The following YAE1 variants were observed in gnomAD, a reference collection of about 807,000 sequenced individuals.
The protein encoded by YAE1 is protein YAE1 homolog.
In YAE1, 22 loss-of-function variants were observed where a neutral mutation model predicts 23.0. The ratio of observed to expected loss-of-function variants is 0.96; its 90% confidence interval spans 0.68 to 1.37. The LOEUF is 1.37. Among genes scored for constraint, YAE1 ranks in the 40% most tolerant of loss-of-function variants. YAE1 has a pLI of 0.00. For missense variants in YAE1, 260 were observed against 262.1 expected, an observed-to-expected ratio of 0.99 and a Z score of 0.06; for synonymous variants, 101 against 97.0, an observed-to-expected ratio of 1.04 and a Z score of -0.24.
chr7:39,573,416 A>G (rs142414305), downstream of YAE1, among the ~76,000 whole-genome samples: 7 of 152,300 alleles, frequency 4.6e-5, no homozygotes, highest in East Asian at 1.3e-3. Flanking sequence ...TATATTTCAT[A>G]TTCACATAGG....
chr7:39,605,393 A>G (rs887249296), intron 2 of YAE1, among the ~76,000 whole-genome samples: 1 of 152,212 alleles, frequency 6.6e-6, no homozygotes. Context: ...GAATAAAGCA[A>G]GTTGTCCTAT....
downstream of YAE1, among the ~76,000 whole-genome samples, chr7:39,573,333 CTACT>C (rs1310540136): frequency 1.3e-5 from 2 of 152,090 alleles, no homozygotes; most frequent in Non-Finnish European, 2.9e-5. Context: ...AGGAAAATGC[CTACT>C]TAGTTTTTCT....
exon 3 of YAE1, chr7:39,609,715 A>T: frequency 6.5e-7 from 1 of 1,535,584 alleles, no homozygotes; most frequent in Non-Finnish European, 8.7e-7. Flanking sequence ...GTCCCCGGCC[A>T]CATGGCGAGC....
At chr7:39,579,528 G>T (rs1790709657) in intron 2 of YAE1, among the ~76,000 whole-genome samples, 1 of 152,086 alleles carries the variant, frequency 6.6e-6, no homozygotes, top group Non-Finnish European at 1.5e-5. Flanking sequence ...AATTAGTCTT[G>T]TGTGATGGCA....
intron 1 of YAE1, chr7:39,569,773 C>T: frequency 1.3e-6 from 1 of 759,216 alleles, no homozygotes; most frequent in Non-Finnish European, 2.5e-6. Flanking sequence ...GAACCTGAAA[C>T]AAACCATGAT....
At chr7:39,578,975 A>G (rs1407143274) in intron 2 of YAE1, among the ~76,000 whole-genome samples, 4 of 152,254 alleles carry the variant, frequency 2.6e-5, no homozygotes, top group Non-Finnish European at 5.9e-5. Flanking sequence ...TGCAGAAAGA[A>G]ACTACACAAA....
At chr7:39,591,603 T>A (rs941949602) in intron 2 of YAE1, among the ~76,000 whole-genome samples, 1 of 151,628 alleles carries the variant, frequency 6.6e-6, no homozygotes, top group African/African-American at 2.4e-5. Context: ...CCCCCACACA[T>A]GCATAGACTC....
At chr7:39,581,154 C>T (rs1342928489) in intron 2 of YAE1, among the ~76,000 whole-genome samples, 2 of 152,358 alleles carry the variant, frequency 1.3e-5, no homozygotes, top group South Asian at 2.1e-4. Context: ...TATCACAACT[C>T]TTCTCTTTTT....
At chr7:39,593,054 A>T (rs369832568) in intron 2 of YAE1, among the ~76,000 whole-genome samples, 1 of 150,840 alleles carries the variant, frequency 6.6e-6, no homozygotes, top group Non-Finnish European at 1.5e-5. Flanking sequence ...ATTTCTATTG[A>T]TCTATTTTCA....
At position 39,579,049 on chromosome 7, in the gene YAE1, C is replaced by T. The variant is rs565214591; in HGVS notation, c.251+8422C>T. 3.3e-5 allele frequency among the ~76,000 whole-genome samples: 5 copies of T among 152,236 alleles called. No individual in the cohort carries two copies. In the South Asian group the frequency reaches 1.0e-3, roughly 32 times the overall value. ...CTAGCAGGATCCCTGGTGCATAGTT[C>T]TAATAACAGTAAGGAGCTGGAGGAA... On this transcript the variant is annotated intron_variant, in intron 2 of 2. Transcript: ENST00000432096.
chr7:39,570,095 G>A lies in YAE1; in HGVS notation c.130-411G>A, dbSNP rs142636026. On this transcript the variant is annotated intron_variant, in intron 1 of 2. Coordinates refer to ENST00000223273, the MANE Select transcript of YAE1 (RefSeq NM_020192.5). Reference sequence around the variant, plus strand: ...CAGCAGCTCTCTCCAGTTCTTGTCTGTGATGATGCGTACGTTGCTCTGCCG... The same window carrying A: ...CAGCAGCTCTCTCCAGTTCTTGTCTATGATGATGCGTACGTTGCTCTGCCG... 46 of 1,069,036 alleles carry A rather than the reference G, an allele frequency of 4.3e-5. No homozygotes were observed. In the African/African-American group the frequency reaches 5.8e-4, roughly 13 times the overall value. The allele number at this position is 1,069,036 out of a possible 1,614,324, so 66.2% of individuals were successfully genotyped here.
chr7:39,588,501 CAA>C (rs5883697), intron 2 of YAE1, among the ~76,000 whole-genome samples: 166 of 121,038 alleles, frequency 1.4e-3, no homozygotes, highest in South Asian at 5.0e-3. Context: ...GACTCCATCT[CAA>C]AAAAAAAAAA....
intron 2 of YAE1, among the ~76,000 whole-genome samples, chr7:39,586,171 T>C (rs1206969613): frequency 6.7e-6 from 1 of 148,450 alleles, no homozygotes; most frequent in African/African-American, 2.6e-5. Context: ...TCTTCTTTTT[T>C]TCCTCTTTTT....
chr7:39,577,445 G>C (rs1320630653), downstream of YAE1, among the ~76,000 whole-genome samples: 1 of 151,950 alleles, frequency 6.6e-6, no homozygotes, highest in African/African-American at 2.4e-5. Flanking sequence ...GGTGTGGAGT[G>C]AGAGTGGCGA....
intron 2 of YAE1, among the ~76,000 whole-genome samples, chr7:39,586,898 CG>C (rs1195948523): frequency 1.3e-5 from 2 of 152,162 alleles, no homozygotes; most frequent in Non-Finnish European, 2.9e-5. Flanking sequence ...AGATGATAGA[CG>C]TGCAAGCCTT....
intron 2 of YAE1, among the ~76,000 whole-genome samples, chr7:39,596,879 C>G (rs1790982594): frequency 6.6e-6 from 1 of 152,178 alleles, no homozygotes; most frequent in African/African-American, 2.4e-5. Context: ...GGAAAAATAA[C>G]TAACATGTTA....
At chr7:39,575,686 T>C (rs1790648293), downstream of YAE1, among the ~76,000 whole-genome samples, 1 of 152,224 alleles carries the variant, frequency 6.6e-6, no homozygotes, top group Non-Finnish European at 1.5e-5. Flanking sequence ...GTTGCCTTTC[T>C]TGATTTTGCC....
At chr7:39,567,931 T>C (rs1340640688) in intron 1 of YAE1, among the ~76,000 whole-genome samples, 3 of 152,194 alleles carry the variant, frequency 2.0e-5, no homozygotes, top group Non-Finnish European at 4.4e-5. Context: ...GTATGCTCTT[T>C]AAGGAGTAAA....
At chr7:39,582,964 A>T (rs374329419) in intron 2 of YAE1, among the ~76,000 whole-genome samples, 48 of 152,346 alleles carry the variant, frequency 3.2e-4, no homozygotes, top group African/African-American at 1.1e-3. Context: ...AGCCATTTAT[A>T]TACATTTACG....
Sources: gnomAD v4.1 joint callset for allele counts (sites outside exome capture counted in the v4.1 genomes callset) on GRCh38, gnomAD v4.1.1 for gene constraint, MANE v1.5 for transcripts, NCBI Gene and HGNC (gene_info 2026-07-23, HGNC 2026-07-21) for gene names.